The following PWWP3B variants were observed in gnomAD, a reference collection of about 807,000 sequenced individuals.
PWWP3B encodes PWWP domain-containing DNA repair factor 3B.
In PWWP3B, 5 loss-of-function variants were observed where a neutral mutation model predicts 15.7. That is an observed-to-expected ratio of 0.32 (90% CI 0.17 to 0.67). The LOEUF is 0.67. PWWP3B is among the 30% of genes least tolerant of loss of function. PWWP3B has a pLI of 0.74. For synonymous variants in PWWP3B, 203 were observed against 179.8 expected, an observed-to-expected ratio of 1.13 and a Z score of -1.03; for missense variants, 519 against 493.1, an observed-to-expected ratio of 1.05 and a Z score of -0.50.
intron 2 of PWWP3B, among the ~76,000 whole-genome samples, chrX:106,203,655 CATG>C (rs1923828173): frequency 8.9e-6 from 1 of 112,133 alleles, no homozygotes; most frequent in Non-Finnish European, 1.9e-5. Flanking sequence ...AAAAATTCCA[CATG>C]ATAACTGATG....
chrX:106,184,269 T>G (rs976800640), intron 2 of PWWP3B, among the ~76,000 whole-genome samples: 7 of 111,383 alleles, frequency 6.3e-5, no homozygotes, highest in Non-Finnish European at 1.1e-4. Context: ...GGTAATAAAA[T>G]TATCTTTTTG....
At chrX:106,183,797 G>A (rs774626613) in intron 2 of PWWP3B, among the ~76,000 whole-genome samples, 123 of 112,065 alleles carry the variant, frequency 1.1e-3, no homozygotes, top group Middle Eastern at 4.7e-3. Context: ...AAACATATCC[G>A]GGGCTCAGTG....
At chrX:106,186,527 C>T (rs767743652) in intron 2 of PWWP3B, among the ~76,000 whole-genome samples, 54 of 111,055 alleles carry the variant, frequency 4.9e-4, no homozygotes, top group African/African-American at 1.6e-3. Flanking sequence ...TGGTACTCAC[C>T]GCTTAGTGAT....
chrX:106,188,002 C>T (rs1922623123), intron 2 of PWWP3B, among the ~76,000 whole-genome samples: 1 of 111,498 alleles, frequency 9.0e-6, no homozygotes, highest in Admixed American at 9.5e-5. Flanking sequence ...TTTCTTCCTC[C>T]CCATTTCCTT....
chrX:106,191,276 G>T (rs1322019869), intron 2 of PWWP3B, among the ~76,000 whole-genome samples: 8 of 110,490 alleles, frequency 7.2e-5, no homozygotes, highest in Non-Finnish European at 1.1e-4. Context: ...TTGTAAGTTG[G>T]ATTCCTAGGT....
chrX:106,186,157 C>A (rs753121978), intron 2 of PWWP3B, among the ~76,000 whole-genome samples: 2 of 111,144 alleles, frequency 1.8e-5, no homozygotes, highest in Admixed American at 1.9e-4. Context: ...AGGCAAGGGT[C>A]AGTATAGATA....
chrX:106,204,215 G>A (rs1455649640), intron 3 of PWWP3B, 45 bp downstream of exon 3: 1 of 112,251 alleles, frequency 8.9e-6, no homozygotes, highest in Non-Finnish European at 1.9e-5. Context: ...GTAGAAACAT[G>A]TTGAGAACTT....
At chrX:106,193,424 T>A (rs1189870950) in intron 2 of PWWP3B, among the ~76,000 whole-genome samples, 1 of 111,792 alleles carries the variant, frequency 8.9e-6, no homozygotes, top group Non-Finnish European at 1.9e-5. Context: ...ATTTTGAGCC[T>A]ATGTGTGTCT....
chrX:106,180,258 C>A lies in PWWP3B; in HGVS notation c.-401+9119C>A, dbSNP rs6616595. On this transcript the variant is annotated intron_variant, in intron 2 of 3. Transcript: ENST00000357175. Reference sequence around the variant, plus strand: ...CCCAGCTTTCCCTGGGCATCTCTCACCACCCTCTCATACACACGTATATTC... The same window carrying A: ...CCCAGCTTTCCCTGGGCATCTCTCAACACCCTCTCATACACACGTATATTC... Among the ~76,000 whole-genome samples, 920 of 111,546 alleles carry A rather than the reference C, an allele frequency of 8.2e-3. 21 individuals are homozygous for A. Among genetic ancestry groups the A allele is most frequent in the Admixed American group, 0.064 (676 of 10,491 alleles).
intron 2 of PWWP3B, among the ~76,000 whole-genome samples, chrX:106,175,439 A>G (rs777151652): frequency 7.4e-5 from 8 of 108,522 alleles, no homozygotes; most frequent in African/African-American, 2.7e-4. Flanking sequence ...ACGGGGTTTC[A>G]CCGTGTTAGC....
intron 2 of PWWP3B, among the ~76,000 whole-genome samples, chrX:106,181,622 A>G (rs925794546): frequency 8.9e-6 from 1 of 111,929 alleles, no homozygotes; most frequent in African/African-American, 3.3e-5. Context: ...TCCCCGCTCT[A>G]AACAGGACAC....
chrX:106,202,388 A>G (rs1421168781), intron 2 of PWWP3B, among the ~76,000 whole-genome samples: 2 of 112,120 alleles, frequency 1.8e-5, no homozygotes, highest in Non-Finnish European at 3.8e-5. Context: ...TTACTCAGTG[A>G]TTATTTTTAT....
chrX:106,175,322 G>A (rs1379356190), intron 2 of PWWP3B, among the ~76,000 whole-genome samples: 1 of 95,517 alleles, frequency 1.0e-5, no homozygotes, highest in Non-Finnish European at 2.0e-5. Context: ...CTCACTGCAA[G>A]CTCCGCCTCC....
intron 2 of PWWP3B, among the ~76,000 whole-genome samples, chrX:106,182,927 G>T (rs915814445): frequency 3.6e-5 from 4 of 111,324 alleles, no homozygotes; most frequent in African/African-American, 1.3e-4. Context: ...TTTTTAGTCT[G>T]GGATGTTTCC....
At chrX:106,192,792 A>T (rs1316961351) in intron 2 of PWWP3B, among the ~76,000 whole-genome samples, 1 of 109,662 alleles carries the variant, frequency 9.1e-6, no homozygotes, top group Middle Eastern at 4.3e-3. Context: ...CCTTCATTTC[A>T]TTATGTACCC....
At chrX:106,200,946 G>C (rs1163840987) in intron 2 of PWWP3B, among the ~76,000 whole-genome samples, 1 of 109,692 alleles carries the variant, frequency 9.1e-6, no homozygotes, top group Non-Finnish European at 1.9e-5. Context: ...TACTCGGAAG[G>C]CTGAGGCAGG....
chrX:106,182,647 C>T (rs1339876848), intron 2 of PWWP3B, among the ~76,000 whole-genome samples: 1 of 108,206 alleles, frequency 9.2e-6, no homozygotes. Flanking sequence ...TCTATTTTCC[C>T]ATTGGAGAAA....
intron 2 of PWWP3B, among the ~76,000 whole-genome samples, chrX:106,190,695 T>C (rs898040056): frequency 8.9e-6 from 1 of 112,173 alleles, no homozygotes; most frequent in Non-Finnish European, 1.9e-5. Flanking sequence ...ATGTAAGTCT[T>C]TAATCCATCT....
At chrX:106,198,964 A>T (rs1023756423) in intron 2 of PWWP3B, among the ~76,000 whole-genome samples, 17 of 111,194 alleles carry the variant, frequency 1.5e-4, no homozygotes, top group Non-Finnish European at 7.5e-5. Flanking sequence ...TATTGGCCTG[A>T]TAATCCTCTT....
Sources: gnomAD v4.1 joint callset for allele counts (sites outside exome capture counted in the v4.1 genomes callset) on GRCh38, gnomAD v4.1.1 for gene constraint, MANE v1.5 for transcripts, NCBI Gene and HGNC (gene_info 2026-07-23, HGNC 2026-07-21) for gene names.